Variants in HS6ST2 observed in about 807,000 individuals in gnomAD.
HS6ST2 encodes heparan-sulfate 6-O-sulfotransferase 2.
HS6ST2 carries 17 observed loss-of-function variants against 33.0 expected under a neutral mutation model. That is an observed-to-expected ratio of 0.52 (90% CI 0.35 to 0.77). HS6ST2 has a LOEUF of 0.77. Ranked by LOEUF, HS6ST2 falls within the 30% of genes least tolerant of loss-of-function variation. The pLI is 0.01. For synonymous variants in HS6ST2, 248 were observed against 237.1 expected, an observed-to-expected ratio of 1.05 and a Z score of -0.42; for missense variants, 519 against 551.7, an observed-to-expected ratio of 0.94 and a Z score of 0.59.
intron 2 of HS6ST2, among the ~76,000 whole-genome samples, chrX:132,889,199 C>T (rs2066281602): frequency 9.0e-6 from 1 of 110,675 alleles, no homozygotes; most frequent in Non-Finnish European, 1.9e-5. Context: ...GAGGGCCCAG[C>T]TAAGATCAGA....
chrX:132,712,876 T>C (rs2064243222), intron 2 of HS6ST2, among the ~76,000 whole-genome samples: 1 of 110,298 alleles, frequency 9.1e-6, no homozygotes. Flanking sequence ...AATACAAAAA[T>C]TAGCCTGGCG....
At chrX:132,865,283 C>T (rs747814064) in intron 2 of HS6ST2, among the ~76,000 whole-genome samples, 23 of 110,284 alleles carry the variant, frequency 2.1e-4, no homozygotes, top group Middle Eastern at 4.6e-3. Flanking sequence ...CAATTTCATC[C>T]ATGTCCCTAC....
chrX:132,916,565 T>C (rs181410068), intron 2 of HS6ST2, among the ~76,000 whole-genome samples: 1 of 111,959 alleles, frequency 8.9e-6, no homozygotes, highest in Non-Finnish European at 1.9e-5. Context: ...TCAATCTGGG[T>C]GAGCACTATC....
rs759103691 is a variant in HS6ST2, at chrX:132,724,449, CA to C, written c.948-15956del. On this transcript the variant is annotated intron_variant, in intron 2 of 4. Coordinates refer to ENST00000370833, the MANE Select transcript of HS6ST2 (RefSeq NM_001394073.1). ...TCAAATATCTAGGAATCAACTTAGTCAAAGAAAAAGATCTCTATAAAAAAAC... is the reference window on the plus strand; with the variant it reads ...TCAAATATCTAGGAATCAACTTAGTCAAGAAAAAGATCTCTATAAAAAAAC... 1.2e-4 allele frequency among the ~76,000 whole-genome samples: 13 copies of C among 111,035 alleles called. No homozygotes were observed. The South Asian group carries it at 4.9e-3, about 42-fold the overall frequency.
At chrX:132,640,239 A>C (rs1457337544) in intron 4 of HS6ST2, among the ~76,000 whole-genome samples, 1 of 110,830 alleles carries the variant, frequency 9.0e-6, no homozygotes, top group Non-Finnish European at 1.9e-5. Flanking sequence ...TTTCAGTGCT[A>C]ATTGTGTCAT....
At chrX:132,821,883 C>T (rs1036585644) in intron 2 of HS6ST2, among the ~76,000 whole-genome samples, 11 of 110,290 alleles carry the variant, frequency 1.0e-4, no homozygotes, top group African/African-American at 3.0e-4. Flanking sequence ...CCCAGCTACT[C>T]GGGAGGCTGA....
intron 2 of HS6ST2, among the ~76,000 whole-genome samples, chrX:132,810,428 G>A (rs868409024): frequency 4.2e-5 from 4 of 94,895 alleles, no homozygotes; most frequent in African/African-American, 1.2e-4. Flanking sequence ...AAGGAAGGAA[G>A]GAGAGAGAAA....
intron 3 of HS6ST2, among the ~76,000 whole-genome samples, chrX:132,671,894 G>A (rs1184662522): frequency 8.9e-6 from 1 of 111,920 alleles, no homozygotes; most frequent in Non-Finnish European, 1.9e-5. Flanking sequence ...AGAAGAACTT[G>A]TGGCTGGCTT....
chrX:132,845,435 C>A (rs950760099), intron 2 of HS6ST2, among the ~76,000 whole-genome samples: 3 of 111,023 alleles, frequency 2.7e-5, no homozygotes, highest in African/African-American at 9.8e-5. Flanking sequence ...TTAATTGCAA[C>A]AAAATTGAGG....
At chrX:132,918,484 A>C (rs1174382171) in intron 2 of HS6ST2, among the ~76,000 whole-genome samples, 1 of 112,254 alleles carries the variant, frequency 8.9e-6, no homozygotes, top group South Asian at 3.7e-4. Flanking sequence ...CAAAAAGCTA[A>C]GACACTTGGT....
intron 2 of HS6ST2, among the ~76,000 whole-genome samples, chrX:132,954,389 ACATTTCAC>A (rs1371790713): frequency 9.0e-6 from 1 of 111,643 alleles, no homozygotes; most frequent in Non-Finnish European, 1.9e-5. Flanking sequence ...TCTCACCCCC[ACATTTCAC>A]CATCGGTGCA....
chrX:132,751,497 A>C (rs930572824), intron 2 of HS6ST2, among the ~76,000 whole-genome samples: 4 of 112,117 alleles, frequency 3.6e-5, no homozygotes, highest in Non-Finnish European at 5.6e-5. Context: ...CAAAGCCCAG[A>C]CAGGGGTCAT....
chrX:132,787,209 A>G (rs1444093076), intron 2 of HS6ST2, among the ~76,000 whole-genome samples: 1 of 88,146 alleles, frequency 1.1e-5, no homozygotes, highest in Admixed American at 1.3e-4. Flanking sequence ...ACACATATAT[A>G]TATACACATA....
chrX:132,867,337 A>T (rs1170408454), intron 2 of HS6ST2, among the ~76,000 whole-genome samples: 1 of 108,551 alleles, frequency 9.2e-6, no homozygotes, highest in East Asian at 2.9e-4. Flanking sequence ...AGCCCACTTG[A>T]TCATGGTGGA....
chrX:132,811,685 AATATATATATATATATATATAT>A (rs56390608), intron 2 of HS6ST2, among the ~76,000 whole-genome samples: 73 of 29,803 alleles, frequency 2.4e-3, no homozygotes, highest in East Asian at 0.012. Context: ...AAGGCTGAAT[AATATATATATATATATATATAT>A]ATATATATAT....
intron 2 of HS6ST2, among the ~76,000 whole-genome samples, chrX:132,830,473 T>C (rs1021578385): frequency 6.3e-5 from 7 of 111,903 alleles, no homozygotes; most frequent in Non-Finnish European, 1.3e-4. Flanking sequence ...TTCTGCTAGC[T>C]GGAGCAATTC....
At chrX:132,944,636 G>A (rs1376298309) in intron 2 of HS6ST2, among the ~76,000 whole-genome samples, 2 of 111,379 alleles carry the variant, frequency 1.8e-5, no homozygotes, top group Non-Finnish European at 1.9e-5. Flanking sequence ...AAACAGCATG[G>A]TACTGCTGCC....
chrX:132,711,819 A>C (rs1266682166), intron 2 of HS6ST2, among the ~76,000 whole-genome samples: 1 of 111,596 alleles, frequency 9.0e-6, no homozygotes, highest in Non-Finnish European at 1.9e-5. Flanking sequence ...ATAGAAGGAA[A>C]CTTAATTGAG....
At chrX:132,687,277 G>A (rs1157852224) in intron 3 of HS6ST2, among the ~76,000 whole-genome samples, 3 of 111,199 alleles carry the variant, frequency 2.7e-5, no homozygotes, top group African/African-American at 9.8e-5. Context: ...GAGGAGTTTT[G>A]ATGGTCCCCT....
Sources: allele counts gnomAD v4.1 joint callset (sites outside exome capture counted in the v4.1 genomes callset), GRCh38; gene constraint gnomAD v4.1.1; transcripts MANE v1.5; gene names NCBI Gene and HGNC (gene_info 2026-07-23, HGNC 2026-07-21).